Variants in TCF20 observed in about 807,000 individuals in gnomAD.
TCF20 encodes the protein transcription factor 20.
A neutral mutation model predicts 148.6 loss-of-function variants in TCF20; 3 were observed. The observed-to-expected ratio is 0.02, with a 90% CI of 0.01 to 0.05. The LOEUF (loss-of-function observed/expected upper bound fraction) is 0.05. Ranked by LOEUF, TCF20 falls within the 10% of genes least tolerant of loss-of-function variation. The pLI is 1.00. For missense variants in TCF20, 2,350 were observed against 2,429.3 expected, an observed-to-expected ratio of 0.97 and a Z score of 0.69; for synonymous variants, 1,049 against 909.5, an observed-to-expected ratio of 1.15 and a Z score of -2.76.
intron 1 of TCF20, chr22:42,277,132 G>C (rs1267567231): frequency 6.6e-6 from 1 of 152,148 alleles, no homozygotes. Flanking sequence ...TTCCTGTCCT[G>C]TGCCTGTCTG....
At chr22:42,341,587 C>A (rs1229273459) in intron 1 of TCF20, among the ~76,000 whole-genome samples, 1 of 152,180 alleles carries the variant, frequency 6.6e-6, no homozygotes, top group Non-Finnish European at 1.5e-5. Flanking sequence ...CAGGAGGCTT[C>A]TGACACCTGC....
At chr22:42,244,937 G>A (rs1476672429) in intron 1 of TCF20, among the ~76,000 whole-genome samples, 1 of 151,900 alleles carries the variant, frequency 6.6e-6, no homozygotes, top group Non-Finnish European at 1.5e-5. Context: ...ACCAAAATCA[G>A]CTGGGCATGG....
At chr22:42,244,872 G>A (rs1924774490) in intron 1 of TCF20, among the ~76,000 whole-genome samples, 1 of 152,038 alleles carries the variant, frequency 6.6e-6, no homozygotes, top group Admixed American at 6.6e-5. Context: ...TTGAGTTCAG[G>A]AGTTCAAGAC....
Position 42,168,659 on chromosome 22 carries a change from C to A in TCF20, c.5877G>T (p.Arg1959=). ...CACGAGCACACTGCCCCCCTCACCCCCGCTCCGACTGCTCTGTGCTGAGGC... is the reference window on the plus strand; with the variant it reads ...CACGAGCACACTGCCCCCCTCACCCACGCTCCGACTGCTCTGTGCTGAGGC... ...KGSLSTEQSE[R]G is the part of the protein sequence containing the mutation. The change falls in exon 5 of 6, where the codon CGG becomes CGT. Residue 1959 remains arginine (R), a synonymous_variant. Transcript: ENST00000677622. 6.2e-7 allele frequency: 1 copy of A among 1,604,158 alleles called. No individual in the cohort carries two copies. Among genetic ancestry groups the A allele is most frequent in the East Asian group, 2.2e-5 (1 of 44,560 alleles).
intron 3 of TCF20, among the ~76,000 whole-genome samples, chr22:42,170,972 A>G (rs1226614388): frequency 6.6e-6 from 1 of 152,148 alleles, no homozygotes; most frequent in Middle Eastern, 3.2e-3. Context: ...CTCCAACACA[A>G]ATCACATAAT....
chr22:42,273,398 G>A (rs1412684814), upstream of TCF20, among the ~76,000 whole-genome samples: 1 of 144,054 alleles, frequency 6.9e-6, no homozygotes, highest in Non-Finnish European at 1.5e-5. Flanking sequence ...ATTCAGTGCA[G>A]TACCAGGCAC....
intron 4 of TCF20, among the ~76,000 whole-genome samples, chr22:42,169,489 G>T (rs541299862): frequency 2.0e-5 from 3 of 152,350 alleles, no homozygotes; most frequent in Admixed American, 2.0e-4. Flanking sequence ...TCAAGGCCTA[G>T]AACCAGACTT....
chr22:42,258,845 T>C (rs557226888), intron 1 of TCF20, among the ~76,000 whole-genome samples: 1 of 152,272 alleles, frequency 6.6e-6, no homozygotes, highest in East Asian at 1.9e-4. Context: ...TGTAACTCCA[T>C]AAGAAGTATT....
At chr22:42,285,017 G>A (rs1353760282), upstream of TCF20, among the ~76,000 whole-genome samples, 1 of 152,220 alleles carries the variant, frequency 6.6e-6, no homozygotes, top group African/African-American at 2.4e-5. The surrounding 1 kb of genome is among the most constrained non-coding windows in gnomAD (Gnocchi z 4.2). Context: ...GCCTGGTGGG[G>A]ACTTCCCTGT....
chr22:42,177,614 C>T (rs942524650), intron 3 of TCF20, among the ~76,000 whole-genome samples: 3 of 152,116 alleles, frequency 2.0e-5, no homozygotes, highest in African/African-American at 4.8e-5. Context: ...CAAAATGTTT[C>T]CCTTCTTTCA....
intron 1 of TCF20, among the ~76,000 whole-genome samples, chr22:42,331,038 C>T (rs558484857): frequency 6.6e-6 from 1 of 152,374 alleles, no homozygotes; most frequent in African/African-American, 2.4e-5. Flanking sequence ...CTGCTCGGGG[C>T]TGGGGCGGTC....
At chr22:42,180,668 T>A (rs1936726616) in intron 2 of TCF20, among the ~76,000 whole-genome samples, 1 of 152,064 alleles carries the variant, frequency 6.6e-6, no homozygotes. Flanking sequence ...ACACAGATAC[T>A]GATGGAAAAC....
At chr22:42,243,355 C>A (rs111393557) in intron 1 of TCF20, among the ~76,000 whole-genome samples, 5,214 of 143,480 alleles carry the variant, frequency 0.036, 322 homozygotes, top group African/African-American at 0.13. Flanking sequence ...GTAATCCCAG[C>A]ACTTTGGGAG....
In TCF20 at chr22:42,215,212, G is replaced by A. The variant is rs775736964; in HGVS notation, c.94C>T (p.Pro32Ser). 16 of 1,614,078 alleles carry A rather than the reference G, an allele frequency of 9.9e-6. No individual in the cohort carries two copies. The highest frequency in any genetic ancestry group is 1.3e-5 in the African/African-American group (1 of 74,926). ...HGSSRLEEFSPRQAQMFQNFG... is the reference protein window; with the variant it reads ...HGSSRLEEFSSRQAQMFQNFG... ...TTCTGGAACATCTGGGCCTGACGAG[G>A]GCTGAACTCTTCTAGCCGGGATGAG... The change falls in exon 2 of 6, where the codon CCT (proline) becomes TCT (serine). Residue 32 changes from proline to serine, a missense_variant. Physicochemically the swap from Pro to Ser is moderately conservative, Grantham distance 74 (BLOSUM62 -1). Transcript: ENST00000677622.
chr22:42,195,288 A>G (rs949665856), intron 2 of TCF20, among the ~76,000 whole-genome samples: 7 of 151,538 alleles, frequency 4.6e-5, no homozygotes, highest in Admixed American at 3.3e-4. Context: ...AATGAAGGCA[A>G]AACCTGTTCC....
At chr22:42,261,955 C>T (rs1180344153) in intron 1 of TCF20, among the ~76,000 whole-genome samples, 1 of 152,128 alleles carries the variant, frequency 6.6e-6, no homozygotes, top group East Asian at 1.9e-4. Flanking sequence ...TGAGTCACTG[C>T]ACTCCAGCCT....
At chr22:42,310,468 A>AATTC (rs1569206546) in intron 1 of TCF20, among the ~76,000 whole-genome samples, 3 of 151,008 alleles carry the variant, frequency 2.0e-5, no homozygotes, top group Non-Finnish European at 3.0e-5. Flanking sequence ...GTGCTAAGAG[A>AATTC]CTGTCGACAA....
At chr22:42,249,345 A>C (rs893572347) in intron 1 of TCF20, among the ~76,000 whole-genome samples, 1 of 152,144 alleles carries the variant, frequency 6.6e-6, no homozygotes, top group African/African-American at 2.4e-5. Flanking sequence ...TCCCCTAATA[A>C]ATTCCCTCAT....
chr22:42,206,463 GAAGC>G (rs1383945010), intron 2 of TCF20, among the ~76,000 whole-genome samples: 1 of 152,118 alleles, frequency 6.6e-6, no homozygotes, highest in Non-Finnish European at 1.5e-5. Flanking sequence ...GGAAAGTTGG[GAAGC>G]AAGAACTCAA....
Sources: allele counts gnomAD v4.1 joint callset (sites outside exome capture counted in the v4.1 genomes callset), GRCh38; gene constraint gnomAD v4.1.1; non-coding constraint Gnocchi (gnomAD v3.1); transcripts MANE v1.5; gene names NCBI Gene and HGNC (gene_info 2026-07-23, HGNC 2026-07-21).